EXT2: variants seen among roughly 807,000 people sequenced by gnomAD.
EXT2 encodes exostosin-2.
A neutral mutation model predicts 81.6 loss-of-function variants in EXT2; 53 were observed. That is an observed-to-expected ratio of 0.65 (90% CI 0.52 to 0.82). The LOEUF is 0.82. Ranked by LOEUF, EXT2 falls within the 40% of genes least tolerant of loss-of-function variation. The probability of loss-of-function intolerance (pLI) is 0.00; values close to 1 mark genes in which losing one functional copy is unlikely to be tolerated. For synonymous variants in EXT2, 320 were observed against 340.0 expected, an observed-to-expected ratio of 0.94 and a Z score of 0.65; for missense variants, 774 against 910.2, an observed-to-expected ratio of 0.85 and a Z score of 1.93.
intron 8 of EXT2, among the ~76,000 whole-genome samples, chr11:44,195,393 C>T (rs1242402421): frequency 6.6e-6 from 1 of 151,428 alleles, no homozygotes; most frequent in Admixed American, 6.6e-5. Flanking sequence ...GAGATTGCAC[C>T]ATTGCACTCC....
chr11:44,194,999 A>G (rs1955438280), intron 8 of EXT2, among the ~76,000 whole-genome samples: 2 of 152,142 alleles, frequency 1.3e-5, no homozygotes, highest in Non-Finnish European at 2.9e-5. Flanking sequence ...GAAGAATAAA[A>G]TTTGGGGTAG....
intron 10 of EXT2, among the ~76,000 whole-genome samples, chr11:44,226,735 G>A (rs560646283): frequency 3.9e-5 from 6 of 152,380 alleles, no homozygotes; most frequent in African/African-American, 1.4e-4. Flanking sequence ...AAGGGAAGAA[G>A]GGCCACTAAT....
At chr11:44,130,386 A>G (rs1313156378) in intron 7 of EXT2, among the ~76,000 whole-genome samples, 1 of 152,228 alleles carries the variant, frequency 6.6e-6, no homozygotes. Context: ...TAGCAGATGC[A>G]AAGCTGAAGC....
intron 10 of EXT2, among the ~76,000 whole-genome samples, chr11:44,209,018 C>T (rs1955616398): frequency 6.6e-6 from 1 of 152,204 alleles, no homozygotes; most frequent in African/African-American, 2.4e-5. Context: ...GGCCTCCGTG[C>T]CCAAATTCCT....
At chr11:44,098,499 C>A (rs1467960199) in intron 1 of EXT2, among the ~76,000 whole-genome samples, 1 of 151,746 alleles carries the variant, frequency 6.6e-6, no homozygotes, top group East Asian at 1.9e-4. Flanking sequence ...TCAAGACGAG[C>A]CTGGCCAACT....
At chr11:44,101,944 T>TAA (rs71035677) in intron 1 of EXT2, among the ~76,000 whole-genome samples, 6,149 of 130,976 alleles carry the variant, frequency 0.047, 398 homozygotes, top group Admixed American at 0.18. Context: ...GTATAATCAG[T>TAA]AAAAAAAAAA....
chr11:44,136,757 A>G (rs1954573907), intron 7 of EXT2, among the ~76,000 whole-genome samples: 1 of 152,058 alleles, frequency 6.6e-6, no homozygotes. Context: ...TCCCCTCTCC[A>G]GTCCTGACAT....
At chr11:44,177,209 G>A (rs1450210795) in intron 8 of EXT2, among the ~76,000 whole-genome samples, 1 of 152,166 alleles carries the variant, frequency 6.6e-6, no homozygotes, top group African/African-American at 2.4e-5. Flanking sequence ...TCTTTATTAG[G>A]GGAAGTGTGC....
intron 8 of EXT2, among the ~76,000 whole-genome samples, chr11:44,190,044 G>C (rs971701335): frequency 6.6e-6 from 1 of 152,144 alleles, no homozygotes; most frequent in African/African-American, 2.4e-5. Flanking sequence ...TTTTGGACAA[G>C]GGACACCACC....
At chr11:44,162,575 CAAA>C (rs746211630) in intron 7 of EXT2, among the ~76,000 whole-genome samples, 1 of 45,870 alleles carries the variant, frequency 2.2e-5, no homozygotes, top group Non-Finnish European at 4.8e-5. Flanking sequence ...GACTCCATCT[CAAA>C]AAAAAAAAAA....
rs377175907 is a variant in EXT2 at position 44,232,509 on chromosome 11, A to G, written c.1806+13A>G. The G allele has an allele frequency of 1.2e-5, 20 of 1,613,610 alleles. No homozygotes were observed. In the African/African-American group the frequency reaches 2.4e-4, roughly 19 times the overall value. ...TTTTTATCACAAGGTAAGGGGGCGC[A>G]GTCCTGGCAAGGTGACAAAACTGAG... On this transcript the variant is annotated intron_variant, in intron 11 of 13. Transcript: ENST00000533608.
intron 13 of EXT2, among the ~76,000 whole-genome samples, chr11:44,237,644 C>T (rs1413706097): frequency 2.0e-5 from 3 of 151,936 alleles, no homozygotes; most frequent in East Asian, 1.9e-4. Flanking sequence ...AATGGTGTAT[C>T]GGATATATGG....
rs1172903830 is a variant in EXT2, at chr11:44,249,702, A to G, written c.*5415A>G. 1.3e-5 allele frequency among the ~76,000 whole-genome samples: 2 copies of G among 152,238 alleles called. No homozygotes were observed. The highest frequency in any genetic ancestry group is 3.8e-4 in the East Asian group (2 of 5,202). Reference sequence around the variant, plus strand: ...GAGCACAGCTGAAGACCAACCAACTAGTTACTGATCCAGATGAGGGAAGAG... The same window carrying G: ...GAGCACAGCTGAAGACCAACCAACTGGTTACTGATCCAGATGAGGGAAGAG... On this transcript the variant is annotated 3_prime_UTR_variant, in exon 14 of 14. Coordinates refer to ENST00000533608, the MANE Select transcript of EXT2 (RefSeq NM_207122.2).
At chr11:44,208,260 A>G (rs1590648470) in intron 10 of EXT2, among the ~76,000 whole-genome samples, 5 of 151,112 alleles carry the variant, frequency 3.3e-5, no homozygotes, top group Admixed American at 3.3e-4. Flanking sequence ...AATGCTACCC[A>G]TGTGTTTATT....
chr11:44,139,565 T>C (rs1206922860), intron 7 of EXT2, among the ~76,000 whole-genome samples: 1 of 152,200 alleles, frequency 6.6e-6, no homozygotes, highest in Non-Finnish European at 1.5e-5. Context: ...TCTTCACTTT[T>C]CCTCTTCTCC....
At chr11:44,101,151 G>C (rs547203237) in intron 1 of EXT2, among the ~76,000 whole-genome samples, 1 of 152,306 alleles carries the variant, frequency 6.6e-6, no homozygotes, top group East Asian at 1.9e-4. Flanking sequence ...GACCAAAGGT[G>C]GGGGTATTGG....
chr11:44,187,065 C>T (rs1955324970), intron 8 of EXT2, among the ~76,000 whole-genome samples: 1 of 148,494 alleles, frequency 6.7e-6, no homozygotes, highest in East Asian at 2.0e-4. Flanking sequence ...CTCCTCCCTC[C>T]CTCCGTCCCT....
chr11:44,200,666 C>T lies in EXT2; in HGVS notation c.1495+2648C>T, dbSNP rs180796980. On this transcript the variant is annotated intron_variant, in intron 9 of 13. Transcript: ENST00000533608. ...CCTTTTGAGCCGAGTTCTAGGACTG[C>T]GGGGAGTTGGGTCATGAGACCAGCT... Among the ~76,000 whole-genome samples, 26 of 152,188 alleles carry T rather than the reference C, an allele frequency of 1.7e-4. No individual in the cohort carries two copies. The East Asian group carries it at 4.6e-3, about 27-fold the overall frequency.
rs1956099535 is a variant in EXT2, at chr11:44,246,968, AC to A, written c.*2682del. ...TCTTACTGGCCTATAGAGAAGACGA[AC>A]TTGAACTGGCCCTGGCCCAAGTGCA... On this transcript the variant is annotated 3_prime_UTR_variant, in exon 14 of 14. Transcript: ENST00000533608. Among the ~76,000 whole-genome samples the A allele has an allele frequency of 6.6e-6, 1 of 152,262 alleles. No individual in the cohort carries two copies. Among genetic ancestry groups the A allele is most frequent in the South Asian group, 2.1e-4 (1 of 4,836 alleles).
Sources: allele counts gnomAD v4.1 joint callset (sites outside exome capture counted in the v4.1 genomes callset), GRCh38; gene constraint gnomAD v4.1.1; transcripts MANE v1.5; gene names NCBI Gene and HGNC (gene_info 2026-07-23, HGNC 2026-07-21).